Variants in GUCY1A1 observed in about 807,000 individuals in gnomAD.
GUCY1A1 encodes the protein guanylate cyclase soluble subunit alpha-1.
A neutral mutation model predicts 64.5 loss-of-function variants in GUCY1A1; 48 were observed. The observed-to-expected ratio is 0.74, with a 90% CI of 0.59 to 0.95. The LOEUF (loss-of-function observed/expected upper bound fraction) is 0.95. GUCY1A1 is among the 40% of genes least tolerant of loss of function. The pLI is 0.00. For missense variants in GUCY1A1, 804 were observed against 825.3 expected, an observed-to-expected ratio of 0.97 and a Z score of 0.32; for synonymous variants, 308 against 303.4, an observed-to-expected ratio of 1.02 and a Z score of -0.16.
intron 6 of GUCY1A1, 80 bp downstream of exon 6, chr4:155,711,331 G>A (rs1442414108): frequency 1.4e-6 from 1 of 696,520 alleles, no homozygotes; most frequent in African/African-American, 1.8e-5. Flanking sequence ...AAAAATATAT[G>A]CATCACTTCA....
chr4:155,702,657 T>A (rs1731243847), intron 3 of GUCY1A1, among the ~76,000 whole-genome samples: 1 of 152,224 alleles, frequency 6.6e-6, no homozygotes, highest in Non-Finnish European at 1.5e-5. Context: ...GAAAAATTGT[T>A]CCACATTGTA....
intron 9 of GUCY1A1, among the ~76,000 whole-genome samples, chr4:155,724,079 G>T (rs1734338864): frequency 6.6e-6 from 1 of 152,036 alleles, no homozygotes; most frequent in Non-Finnish European, 1.5e-5. Flanking sequence ...CCATCTTTGT[G>T]CTGTAGGTTC....
intron 2 of GUCY1A1, among the ~76,000 whole-genome samples, chr4:155,677,991 A>T (rs1735194463): frequency 6.6e-6 from 1 of 152,240 alleles, no homozygotes; most frequent in African/African-American, 2.4e-5. Context: ...AGACCAAGAA[A>T]AACTTCAAGA....
At chr4:155,698,504 AGCTGAGATT>A (rs1730694026) in intron 3 of GUCY1A1, among the ~76,000 whole-genome samples, 1 of 152,184 alleles carries the variant, frequency 6.6e-6, no homozygotes, top group Non-Finnish European at 1.5e-5. Flanking sequence ...ATGATGAGGA[AGCTGAGATT>A]GCTTCTATGT....
chr4:155,704,070 A>C, intron 4 of GUCY1A1, 77 bp downstream of exon 4: 1 of 815,880 alleles, frequency 1.2e-6, no homozygotes, highest in Non-Finnish European at 2.1e-6. Context: ...GCAGTTACTG[A>C]ATGTGTCAGC....
chr4:155,719,298 A>G (rs1464027994), intron 8 of GUCY1A1, among the ~76,000 whole-genome samples: 1 of 152,170 alleles, frequency 6.6e-6, no homozygotes, highest in African/African-American at 2.4e-5. Flanking sequence ...TGACGTCCCT[A>G]AAAGATACCG....
chr4:155,705,139 C>T lies in GUCY1A1; in HGVS notation c.317+1146C>T, dbSNP rs144633572. ...ACTCATGAGCTCAAGCATTCACCCG[C>T]GTTGGCCTCCAAAACTGCTAGGATT... On this transcript the variant is annotated intron_variant, in intron 4 of 9. Coordinates refer to ENST00000506455, the MANE Select transcript of GUCY1A1 (RefSeq NM_001130682.3). Among the ~76,000 whole-genome samples, 110 of 152,342 alleles carry T rather than the reference C, an allele frequency of 7.2e-4. 1 individual carries two copies. Among genetic ancestry groups the T allele is most frequent in the African/African-American group, 2.5e-3 (105 of 41,584 alleles).
chr4:155,701,047 G>T (rs748417746), intron 3 of GUCY1A1, among the ~76,000 whole-genome samples: 7 of 152,056 alleles, frequency 4.6e-5, no homozygotes, highest in Admixed American at 4.6e-4. Flanking sequence ...TTTTATTGTG[G>T]ACTCATATTA....
chr4:155,672,776 C>T (rs890171961), intron 2 of GUCY1A1, among the ~76,000 whole-genome samples: 1 of 152,168 alleles, frequency 6.6e-6, no homozygotes, highest in African/African-American at 2.4e-5. Context: ...AATGGTTGGA[C>T]TCTGTCAACA....
chr4:155,699,013 G>T (rs1730759727), intron 3 of GUCY1A1, among the ~76,000 whole-genome samples: 1 of 151,902 alleles, frequency 6.6e-6, no homozygotes, highest in Non-Finnish European at 1.5e-5. Flanking sequence ...TCATTATATT[G>T]AATTTTTTGT....
chr4:155,698,317 C>G (rs1362591622), intron 3 of GUCY1A1, among the ~76,000 whole-genome samples: 1 of 152,132 alleles, frequency 6.6e-6, no homozygotes, highest in African/African-American at 2.4e-5. Flanking sequence ...TGGCAGATAA[C>G]CTTTGAAATG....
At chr4:155,704,536 GGGGGACTCA>G (rs145085436) in intron 4 of GUCY1A1, among the ~76,000 whole-genome samples, 5,957 of 151,744 alleles carry the variant, frequency 0.039, 151 homozygotes, top group Middle Eastern at 0.082. Flanking sequence ...CTTAAGAGGA[GGGGGACTCA>G]GGGTTCCGGG....
intron 2 of GUCY1A1, among the ~76,000 whole-genome samples, chr4:155,682,699 AGTGTGT>A (rs60103633): frequency 2.0e-4 from 30 of 146,828 alleles, no homozygotes; most frequent in African/African-American, 4.0e-4. Flanking sequence ...AAGAAAATTC[AGTGTGT>A]GTGTGTGTGT....
rs932449213 is a variant in GUCY1A1, at chr4:155,717,058, G to T, written c.1573-101G>T. On this transcript the variant is annotated intron_variant, in intron 7 of 9. Transcript: ENST00000506455. Reference sequence around the variant, plus strand: ...AACCCTGATCCTCCAGAAGGCCTGAGCAATGAGAATTCTGCTATATGACTT... The same window carrying T: ...AACCCTGATCCTCCAGAAGGCCTGATCAATGAGAATTCTGCTATATGACTT... The T allele has an allele frequency of 1.3e-5, 11 of 834,612 alleles. 1 individual carries two copies. The South Asian group carries it at 2.7e-4, about 21-fold the overall frequency. The allele number at this position is 834,612 out of a possible 1,614,324, so 51.7% of individuals were successfully genotyped here.
Position 155,733,885 on chromosome 4 carries a change from C to T in GUCY1A1, c.*3654C>T, listed in dbSNP as rs558277937. ...GTGACTGAATGAACATCTGTTTATA[C>T]ATCAAGGGAAAATGATTCATTTTAT... On this transcript the variant is annotated 3_prime_UTR_variant, in exon 10 of 10. Transcript: ENST00000506455. Among the ~76,000 whole-genome samples the T allele has an allele frequency of 6.6e-6, 1 of 151,926 alleles. No individual in the cohort carries two copies. Among genetic ancestry groups the T allele is most frequent in the Admixed American group, 6.6e-5 (1 of 15,226 alleles).
At position 155,732,160 on chromosome 4, in the gene GUCY1A1, AAAAGTTTATAATTCAATCAG is replaced by A. The variant is rs1206103878; in HGVS notation, c.*1932_*1951del. Reference sequence around the variant, plus strand: ...TCAATTTGCTTACAATCTGTACTCAAAAAGTTTATAATTCAATCAGAATTCAAAAAGTATTTTGTGTGTTT... The same window carrying A: ...TCAATTTGCTTACAATCTGTACTCAAAATTCAAAAAGTATTTTGTGTGTTT... On this transcript the variant is annotated 3_prime_UTR_variant, in exon 10 of 10. Coordinates refer to ENST00000506455, the MANE Select transcript of GUCY1A1 (RefSeq NM_001130682.3). The A allele has an allele frequency of 2.0e-5, 3 of 151,892 alleles. No individual in the cohort carries two copies. Among genetic ancestry groups the A allele is most frequent in the African/African-American group, 7.2e-5 (3 of 41,414 alleles). The allele number at this position is 151,892 out of a possible 1,614,324, so 9.4% of individuals were successfully genotyped here.
At chr4:155,688,686 C>T (rs749389459) in intron 2 of GUCY1A1, among the ~76,000 whole-genome samples, 1 of 151,822 alleles carries the variant, frequency 6.6e-6, no homozygotes, top group Non-Finnish European at 1.5e-5. Context: ...CTTGGAAAAC[C>T]TCATATGCTT....
chr4:155,690,049 T>C (rs1729531294), intron 2 of GUCY1A1, among the ~76,000 whole-genome samples: 1 of 152,224 alleles, frequency 6.6e-6, no homozygotes, highest in African/African-American at 2.4e-5. Flanking sequence ...GAGAAATTGC[T>C]TCCCAAAATG....
At chr4:155,671,681 G>C (rs888958278) in intron 2 of GUCY1A1, among the ~76,000 whole-genome samples, 3 of 152,026 alleles carry the variant, frequency 2.0e-5, no homozygotes, top group African/African-American at 7.2e-5. Context: ...CCAGCTGTGA[G>C]CATAAGAACT....
Sources: gnomAD v4.1 joint callset for allele counts (sites outside exome capture counted in the v4.1 genomes callset) on GRCh38, gnomAD v4.1.1 for gene constraint, MANE v1.5 for transcripts, NCBI Gene and HGNC (gene_info 2026-07-23, HGNC 2026-07-21) for gene names.